The following RELB variants were observed in gnomAD, a reference collection of about 807,000 sequenced individuals.
RELB encodes the protein transcription factor RelB.
In RELB, 14 loss-of-function variants were observed where a neutral mutation model predicts 55.4. The ratio of observed to expected loss-of-function variants is 0.25; its 90% CI spans 0.17 to 0.40. The LOEUF (loss-of-function observed/expected upper bound fraction) is 0.40. RELB is among the 10% of genes least tolerant of loss of function. The pLI is 1.00. For synonymous variants in RELB, 409 were observed against 371.3 expected (o/e 1.10, Z -1.17); for missense variants, 669 against 830.7 (o/e 0.81, Z 2.39).
At position 45,012,150 on chromosome 19, in the gene RELB, C is replaced by T. The variant is rs758712302; in HGVS notation, c.378C>T (p.His126=). The T allele has an allele frequency of 1.2e-5, 18 of 1,563,520 alleles. No individual in the cohort carries two copies. The South Asian group carries it at 2.0e-4, about 17-fold the overall frequency. ...SPAPGPGPQP[H]LVITEQPKQR... ...CGCCGGGCCCGGGCCCGCAGCCGCACCTGGTCATCACGGAGCAGCCCAAGC... is the reference window on the plus strand; with the variant it reads ...CGCCGGGCCCGGGCCCGCAGCCGCATCTGGTCATCACGGAGCAGCCCAAGC... Residue 126 remains histidine, a synonymous_variant, in exon 4 of 12, where the codon CAC becomes CAT. Transcript: ENST00000221452.
Position 45,011,853 on chromosome 19 carries a change from G to A in RELB, c.164-83G>A, listed in dbSNP as rs1456588712. On this transcript the variant is annotated intron_variant, in intron 3 of 11. Coordinates refer to ENST00000221452, the MANE Select transcript of RELB (RefSeq NM_006509.4). ...GAGAGAGATAAATGGGATGGAAAAC[G>A]TCTCGGGGGTAATCAAGCCTTTTTT... 9.7e-6 allele frequency: 7 copies of A among 718,284 alleles called. No individual in the cohort carries two copies. The South Asian group carries it at 1.3e-4, about 13-fold the overall frequency. The allele number at this position is 718,284 out of a possible 1,614,324, so 44.5% of individuals were successfully genotyped here.
At chr19:45,008,018 A>G (rs867422774) in intron 2 of RELB, among the ~76,000 whole-genome samples, 2,826 of 147,324 alleles carry the variant, frequency 0.019, 113 homozygotes, top group African/African-American at 0.067. Flanking sequence ...AAAAAAAAAA[A>G]AAAAAGCCGG....
intron 8 of RELB, among the ~76,000 whole-genome samples, chr19:45,030,708 G>T (rs192252641): frequency 6.6e-6 from 1 of 152,276 alleles, no homozygotes; most frequent in African/African-American, 2.4e-5. Flanking sequence ...GAGGTAGGAG[G>T]ATTGCTTAAG....
chr19:45,003,923 T>TG (rs1189741740), intron 2 of RELB, among the ~76,000 whole-genome samples: 4 of 123,726 alleles, frequency 3.2e-5, no homozygotes, highest in Non-Finnish European at 5.1e-5. Context: ...GTGTTTTTTT[T>TG]TTTTTTTTTT....
intron 4 of RELB, among the ~76,000 whole-genome samples, chr19:45,017,448 C>G: frequency 6.0e-5 from 1 of 16,684 alleles, no homozygotes; most frequent in African/African-American, 5.6e-4. Context: ...GAGAATCTGT[C>G]TAAAAAAAAA....
Position 45,037,733 on chromosome 19 carries a change from T to C in RELB, c.1683T>C (p.His561=). The C allele has an allele frequency of 1.3e-6, 2 of 1,500,474 alleles. No individual in the cohort carries two copies. The highest frequency in any genetic ancestry group is 1.8e-6 in the Non-Finnish European group (2 of 1,128,512). The allele number at this position is 1,500,474 out of a possible 1,614,324, so 92.9% of individuals were successfully genotyped here. Residue 561 remains histidine, a synonymous_variant, in exon 12 of 12, where the codon CAT becomes CAC. Transcript: ENST00000221452. ...TGGGCAGCAACATGTTCCCCAATCA[T>C]TACCGCGAGGCGGCCTTTGGGGGCG... is the stretch of plus-strand genomic sequence containing the variant. ...SLVGSNMFPN[H]YREAAFGGGL...
rs754531882 is a variant in RELB, at chr19:45,034,273, C to T, written c.1237C>T (p.Arg413Trp). 8.6e-5 allele frequency: 138 copies of T among 1,613,852 alleles called. No homozygotes were observed. Among genetic ancestry groups the T allele is most frequent in the Non-Finnish European group, 1.1e-4 (132 of 1,179,868 alleles). ...CTACGGCGTGGACAAGAAGCGGAAA[C>T]GGGGGATGCCCGACGTCCTTGGGGA... is the stretch of plus-strand genomic sequence containing the variant. ...DSYGVDKKRK[R>W]GMPDVLGELN... The change falls in exon 10 of 12, where the codon CGG (arginine) becomes TGG (tryptophan). Residue 413 changes from arginine to tryptophan, a missense_variant. By Grantham distance (101) the Arg-to-Trp change is moderately radical. Transcript: ENST00000221452.
At chr19:45,023,726 A>AC (rs1360640011) in intron 5 of RELB, among the ~76,000 whole-genome samples, 3 of 82,018 alleles carry the variant, frequency 3.7e-5, no homozygotes, top group Admixed American at 1.5e-4. Context: ...GTGTGAGCCC[A>AC]CTGTGCCCAG....
At chr19:45,032,851 G>A (rs971101129) in intron 9 of RELB, 102 bp downstream of exon 9, 9 of 952,690 alleles carry the variant, frequency 9.4e-6, no homozygotes, top group Non-Finnish European at 1.4e-5. Context: ...TAGAATGCAG[G>A]CTCAGAGCTA....
intron 4 of RELB, among the ~76,000 whole-genome samples, chr19:45,014,687 T>C (rs1018586032): frequency 2.0e-5 from 3 of 149,762 alleles, no homozygotes; most frequent in African/African-American, 7.4e-5. Context: ...CCGGCTAATA[T>C]TTTGTACTTT....
chr19:45,024,356 G>T (rs2122462411), intron 5 of RELB, among the ~76,000 whole-genome samples: 1 of 151,352 alleles, frequency 6.6e-6, no homozygotes, highest in East Asian at 2.0e-4. Context: ...TAGAGGCGGG[G>T]TTTCACCGTG....
At chr19:45,018,581 C>CA (rs910453336) in intron 4 of RELB, among the ~76,000 whole-genome samples, 1 of 150,388 alleles carries the variant, frequency 6.6e-6, no homozygotes, top group Non-Finnish European at 1.5e-5. Flanking sequence ...GACTCCATCT[C>CA]AAAAAAATAA....
At chr19:45,012,374 T>C (rs916813235) in intron 4 of RELB, 98 bp downstream of exon 4, 15 of 679,084 alleles carry the variant, frequency 2.2e-5, no homozygotes, top group Non-Finnish European at 3.2e-5. Context: ...ATGGTGGCTG[T>C]TGTTGTTATT....
chr19:45,037,148 T>C (rs1344764103), intron 11 of RELB, among the ~76,000 whole-genome samples: 1 of 151,960 alleles, frequency 6.6e-6, no homozygotes, highest in Non-Finnish European at 1.5e-5. Flanking sequence ...GCATGGCACA[T>C]GCCTGGCCTG....
At chr19:45,030,232 G>A (rs1219730230) in intron 8 of RELB, among the ~76,000 whole-genome samples, 2 of 150,706 alleles carry the variant, frequency 1.3e-5, no homozygotes, top group African/African-American at 4.9e-5. Flanking sequence ...TAGCACTTTG[G>A]GAGGCTGAGG....
intron 3 of RELB, among the ~76,000 whole-genome samples, chr19:45,010,244 A>G (rs1319028708): frequency 3.3e-5 from 5 of 150,562 alleles, no homozygotes; most frequent in Non-Finnish European, 4.4e-5. Context: ...TTGCCTTGGA[A>G]GCCGAGGCTG....
At chr19:45,008,440 C>CT (rs1427509907) in intron 2 of RELB, 1 of 456,098 alleles carries the variant, frequency 2.2e-6, no homozygotes, top group Non-Finnish European at 4.4e-6. Context: ...AAGTCTAACT[C>CT]TGTCTTTGGG....
intron 4 of RELB, among the ~76,000 whole-genome samples, chr19:45,017,837 G>A (rs1280327487): frequency 6.7e-6 from 1 of 150,016 alleles, no homozygotes; most frequent in Non-Finnish European, 1.5e-5. Flanking sequence ...TAGAGAGGGG[G>A]TTTTGCCATG....
chr19:45,034,564 G>A, intron 11 of RELB, 36 bp downstream of exon 11: 1 of 1,547,012 alleles, frequency 6.5e-7, no homozygotes, highest in Non-Finnish European at 8.8e-7. Context: ...CTGTCCCCTG[G>A]GTGGGCAGAG....
Sources: gnomAD v4.1 joint callset for allele counts (sites outside exome capture counted in the v4.1 genomes callset) on GRCh38, gnomAD v4.1.1 for gene constraint, MANE v1.5 for transcripts, NCBI Gene and HGNC (gene_info 2026-07-23, HGNC 2026-07-21) for gene names.